MSN: variants seen among roughly 807,000 people sequenced by gnomAD.
MSN encodes moesin.
MSN carries 2 observed loss-of-function variants against 48.0 expected under a neutral mutation model. That is an observed-to-expected ratio of 0.04 (90% CI 0.02 to 0.13). The LOEUF (loss-of-function observed/expected upper bound fraction) is 0.13. Ranked by LOEUF, MSN falls within the 10% of genes least tolerant of loss-of-function variation. The pLI is 1.00. For missense variants in MSN, 267 were observed against 470.1 expected (o/e 0.57, Z 3.99); for synonymous variants, 146 against 166.9 (o/e 0.87, Z 0.97).
At chrX:65,711,030 G>A (rs895154689) in intron 1 of MSN, among the ~76,000 whole-genome samples, 9 of 103,481 alleles carry the variant, frequency 8.7e-5, no homozygotes, top group Non-Finnish European at 1.4e-4. Flanking sequence ...GACTACAGGC[G>A]TGCACCACCA....
intron 1 of MSN, among the ~76,000 whole-genome samples, chrX:65,608,444 T>C (rs1248361886): frequency 9.0e-6 from 1 of 110,725 alleles, no homozygotes; most frequent in African/African-American, 3.3e-5. Flanking sequence ...GTGAGGTGTG[T>C]GTGTGTGTGT....
intron 5 of MSN, 98 bp downstream of exon 5, chrX:65,731,288 A>G: frequency 2.8e-6 from 2 of 719,838 alleles, no homozygotes; most frequent in Admixed American, 5.7e-5. Flanking sequence ...ACATTGGTGG[A>G]TGTTGGAGAA....
At position 65,642,350 on chromosome X, in the gene MSN, G is replaced by GGTGT. The variant is rs61644801; in HGVS notation, c.-22+53773_-22+53776dup. The stretch of plus-strand genomic sequence containing the variant: ...AACCAGAATGTAGAGTGTACATTAT[G>GGTGT]GTGTGTGTGTGTGTGTGTGTGTGTG... On this transcript the variant is annotated intron_variant, in intron 1 of 3. Coordinates refer to the MSN transcript ENST00000609672. 7.2e-3 allele frequency among the ~76,000 whole-genome samples: 691 copies of GGTGT among 96,194 alleles called. 5 individuals carry two copies. The highest frequency in any genetic ancestry group is 0.018 in the African/African-American group (479 of 26,048). The allele number at this position is 96,194 out of a possible 115,157, so 83.5% of individuals were successfully genotyped here.
intron 1 of MSN, among the ~76,000 whole-genome samples, chrX:65,620,669 C>T (rs1043823246): frequency 4.4e-5 from 5 of 112,410 alleles, no homozygotes; most frequent in Non-Finnish European, 9.4e-5. Context: ...CACCCGTCTT[C>T]TGCGTCGCTT....
At chrX:65,619,709 G>A (rs1333483353) in intron 1 of MSN, among the ~76,000 whole-genome samples, 17 of 108,744 alleles carry the variant, frequency 1.6e-4, no homozygotes, top group Admixed American at 3.8e-4. Context: ...CTCTCAGCTC[G>A]TCAAAGTCAT....
rs763441852 is a variant in MSN at position 65,598,387 on chromosome X, A to G, written c.-22+9775A>G. Among the ~76,000 whole-genome samples, 5 of 109,881 alleles carry G rather than the reference A, an allele frequency of 4.6e-5. No homozygotes were observed. In the South Asian group the frequency reaches 1.6e-3, roughly 35 times the overall value. On this transcript the variant is annotated intron_variant, in intron 1 of 3. Transcript: ENST00000609672. Reference sequence around the variant, plus strand: ...AGAAACAGAAGAGAGAAAGAAACAGAGAAGGGAAGAGGAGAGAGGAGAGAA... The same window carrying G: ...AGAAACAGAAGAGAGAAAGAAACAGGGAAGGGAAGAGGAGAGAGGAGAGAA...
intron 1 of MSN, among the ~76,000 whole-genome samples, chrX:65,693,673 T>C (rs757553861): frequency 7.1e-5 from 8 of 112,005 alleles, no homozygotes; most frequent in Non-Finnish European, 9.4e-5. Flanking sequence ...GACCAAATAT[T>C]AGAATCATTT....
intron 1 of MSN, chrX:65,625,114 C>T (rs2070493587): frequency 8.9e-6 from 1 of 112,587 alleles, no homozygotes. Flanking sequence ...TTATTGACTT[C>T]ACTGCATGTG....
intron 1 of MSN, among the ~76,000 whole-genome samples, chrX:65,616,331 C>A (rs1260470374): frequency 1.0e-5 from 1 of 97,465 alleles, no homozygotes; most frequent in Non-Finnish European, 2.1e-5. Context: ...ATTCTTCCTA[C>A]CCATGAGCAT....
intron 1 of MSN, among the ~76,000 whole-genome samples, chrX:65,655,536 G>A (rs778459732): frequency 2.7e-5 from 3 of 111,845 alleles, no homozygotes; most frequent in Non-Finnish European, 5.6e-5. Context: ...TTTCAATTAC[G>A]AGGACCTCAG....
In MSN at chrX:65,729,498, T is replaced by C; in HGVS notation, c.253T>C (p.Tyr85His). 8.3e-7 allele frequency: 1 copy of C among 1,211,825 alleles called. No individual in the cohort carries two copies. The highest frequency in any genetic ancestry group is 1.1e-6 in the Non-Finnish European group (1 of 895,538). The change falls in exon 4 of 13, where the codon TAC becomes CAC. Residue 85 changes from tyrosine to histidine, a missense_variant. By Grantham distance (83) the Tyr-to-His change is moderately conservative. Coordinates refer to ENST00000360270, the MANE Select transcript of MSN (RefSeq NM_002444.3). ...GCTCTTTAAGTTCCGTGCCAAGTTCTACCCTGAGGATGTGTCCGAGGAATT... is the reference window on the plus strand; with the variant it reads ...GCTCTTTAAGTTCCGTGCCAAGTTCCACCCTGAGGATGTGTCCGAGGAATT... ...PLLFKFRAKF[Y>H]PEDVSEELIQ... is the part of the protein sequence containing the mutation.
intron 1 of MSN, among the ~76,000 whole-genome samples, chrX:65,623,363 C>CTTTTTTTTTTTTTTTTTTTTT (rs2070471282): frequency 1.4e-5 from 1 of 69,744 alleles, no homozygotes; most frequent in Non-Finnish European, 2.5e-5. Context: ...TTTTTTCTTT[C>CTTTTTTTTTTTTTTTTTTTTT]TTTTCTTTTT....
chrX:65,616,683 T>C (rs1340459313), intron 1 of MSN, among the ~76,000 whole-genome samples: 1 of 96,565 alleles, frequency 1.0e-5, no homozygotes, highest in Non-Finnish European at 2.1e-5. Context: ...CTTTTCCTAA[T>C]TGAATACCCT....
intron 1 of MSN, among the ~76,000 whole-genome samples, chrX:65,683,811 G>T (rs181808081): frequency 9.0e-6 from 1 of 111,611 alleles, no homozygotes; most frequent in African/African-American, 3.3e-5. Context: ...CATGTTTGTT[G>T]TAAGAAATGA....
chrX:65,698,096 C>G (rs904536506), intron 1 of MSN, among the ~76,000 whole-genome samples: 1 of 110,370 alleles, frequency 9.1e-6, no homozygotes, highest in African/African-American at 3.3e-5. Context: ...GGGCCCCAGT[C>G]ACAGGGTATG....
At chrX:65,661,625 C>A (rs746834055) in intron 1 of MSN, among the ~76,000 whole-genome samples, 1 of 112,065 alleles carries the variant, frequency 8.9e-6, no homozygotes, top group Non-Finnish European at 1.9e-5. Flanking sequence ...GCTGGCTTCA[C>A]AGAATTAGTT....
chrX:65,735,404 G>T lies in MSN; in HGVS notation c.933G>T (p.Glu311Asp). The change falls in exon 8 of 13, where the codon GAG becomes GAT. Residue 311 changes from glutamate to aspartate, a missense_variant. Transcript: ENST00000360270. ...EVQQMKAQAR[E>D]EKHQKQMERA... ...AGCAGATGAAGGCACAGGCCCGGGA[G>T]GAGAAGCACCAGAAGCAGATGGAGC... 1.7e-6 allele frequency: 2 copies of T among 1,208,571 alleles called. No individual in the cohort carries two copies. The highest frequency in any genetic ancestry group is 2.2e-6 in the Non-Finnish European group (2 of 893,824).
chrX:65,684,581 G>A (rs1261761162), intron 1 of MSN, among the ~76,000 whole-genome samples: 2 of 110,407 alleles, frequency 1.8e-5, no homozygotes, highest in East Asian at 5.7e-4. Flanking sequence ...TGGGATTACA[G>A]GCACATGCCA....
intron 1 of MSN, among the ~76,000 whole-genome samples, chrX:65,711,362 A>G (rs747625865): frequency 3.9e-4 from 40 of 103,594 alleles, no homozygotes; most frequent in African/African-American, 1.3e-3. Flanking sequence ...GCCTGGCCTA[A>G]TTTTTGTATT....
Sources: allele counts gnomAD v4.1 joint callset (sites outside exome capture counted in the v4.1 genomes callset), GRCh38; gene constraint gnomAD v4.1.1; transcripts MANE v1.5; gene names NCBI Gene and HGNC (gene_info 2026-07-23, HGNC 2026-07-21).